MYO16: variants seen among roughly 807,000 people sequenced by gnomAD.
The protein encoded by MYO16 is myosin XVI, also known as unconventional myosin-XVI.
MYO16 carries 94 observed loss-of-function variants against 205.3 expected under a neutral mutation model. The ratio of observed to expected loss-of-function variants is 0.46; its 90% CI spans 0.39 to 0.54. MYO16 has a LOEUF of 0.54. Among genes scored for constraint, MYO16 ranks in the 20% least tolerant of loss-of-function variants. The pLI is 0.00. For missense variants in MYO16, 2,315 were observed against 2,387.5 expected (o/e 0.97, Z 0.63); for synonymous variants, 988 against 954.0 (o/e 1.04, Z -0.66).
At chr13:108,938,818 A>G (rs1458986703) in intron 16 of MYO16, among the ~76,000 whole-genome samples, 2 of 152,236 alleles carry the variant, frequency 1.3e-5, no homozygotes, top group African/African-American at 2.4e-5. Context: ...CCAAATGTCC[A>G]GAGATCTGCC....
At chr13:109,174,203 G>A (rs146287807) in intron 33 of MYO16, among the ~76,000 whole-genome samples, 10 of 152,214 alleles carry the variant, frequency 6.6e-5, no homozygotes, top group African/African-American at 2.4e-4. Flanking sequence ...AGAAGGGAAG[G>A]GCAATTCCCA....
chr13:108,912,971 G>A (rs1234790193), intron 16 of MYO16, among the ~76,000 whole-genome samples: 1 of 152,184 alleles, frequency 6.6e-6, no homozygotes, highest in Non-Finnish European at 1.5e-5. Flanking sequence ...GTCTGTTGAA[G>A]TGTGTGAGTG....
chr13:109,100,682 G>C (rs1274153731), intron 27 of MYO16, 103 bp from the exon 28 acceptor site: 10 of 837,910 alleles, frequency 1.2e-5, no homozygotes, highest in Non-Finnish European at 1.9e-6. Context: ...AAAGAAAGAC[G>C]GGGAAACTTT....
chr13:108,620,917 C>A (rs1212178462), intron 1 of MYO16, among the ~76,000 whole-genome samples: 1 of 152,178 alleles, frequency 6.6e-6, no homozygotes, highest in African/African-American at 2.4e-5. Flanking sequence ...AGGAACAGAG[C>A]CTCCCATCCC....
intron 21 of MYO16, among the ~76,000 whole-genome samples, chr13:108,999,522 A>T (rs528231660): frequency 6.6e-6 from 1 of 152,186 alleles, no homozygotes; most frequent in African/African-American, 2.4e-5. Flanking sequence ...AGTATAATAT[A>T]CCTCTTACAA....
rs570826045 is a variant in MYO16, at chr13:108,902,855, G to A, written c.1777+4722G>A. Among the ~76,000 whole-genome samples the A allele has an allele frequency of 1.7e-3, 254 of 152,260 alleles. 1 individual carries two copies. The highest frequency in any genetic ancestry group is 5.8e-3 in the African/African-American group (243 of 41,560). On this transcript the variant is annotated intron_variant, in intron 15 of 34. Coordinates refer to ENST00000457511, the MANE Select transcript of MYO16 (RefSeq NM_001198950.3). ...TTTGCTTTCTATGGTTTCAGTTACC[G>A]GAGTTCAACTGTGGTCCAAAAATTT...
intron 22 of MYO16, among the ~76,000 whole-genome samples, chr13:109,017,891 C>T (rs1228393705): frequency 6.6e-6 from 1 of 152,120 alleles, no homozygotes; most frequent in African/African-American, 2.4e-5. Flanking sequence ...TTTTTAGCTT[C>T]TTTGTGATGG....
intron 16 of MYO16, among the ~76,000 whole-genome samples, chr13:108,949,757 T>A (rs1323230311): frequency 6.6e-6 from 1 of 152,152 alleles, no homozygotes; most frequent in African/African-American, 2.4e-5. Context: ...GGAACTACTC[T>A]ACCCATATTA....
chr13:108,962,527 A>G (rs1184759090), intron 19 of MYO16, 32 bp downstream of exon 19: 2 of 1,415,392 alleles, frequency 1.4e-6, no homozygotes. Flanking sequence ...ATCTTTGTGC[A>G]ATTTAGAATC....
chr13:109,133,584 G>A (rs1319401676), intron 31 of MYO16, among the ~76,000 whole-genome samples: 1 of 152,218 alleles, frequency 6.6e-6, no homozygotes, highest in Non-Finnish European at 1.5e-5. Context: ...ACTTTATGAT[G>A]TAATGAGATG....
chr13:108,735,306 CTGTGTCCA>C (rs1566578063), intron 4 of MYO16, among the ~76,000 whole-genome samples: 1 of 147,338 alleles, frequency 6.8e-6, no homozygotes, highest in Non-Finnish European at 1.5e-5. Context: ...GTTCCCCTTC[CTGTGTCCA>C]TGTGTTCTCA....
At chr13:108,985,075 GTTGT>G (rs1884580321) in intron 20 of MYO16, among the ~76,000 whole-genome samples, 1 of 152,136 alleles carries the variant, frequency 6.6e-6, no homozygotes, top group Non-Finnish European at 1.5e-5. Flanking sequence ...TCTACCAAAA[GTTGT>G]TCAAATACAA....
At chr13:108,975,529 C>A (rs1292447923) in intron 20 of MYO16, among the ~76,000 whole-genome samples, 1 of 152,130 alleles carries the variant, frequency 6.6e-6, no homozygotes, top group Non-Finnish European at 1.5e-5. Flanking sequence ...TAATCTCTTT[C>A]AAGGGACGCA....
At chr13:108,581,565 A>G in the MYO16 span, among the ~76,000 whole-genome samples, 2 of 151,086 alleles carry the variant, frequency 1.3e-5, no homozygotes, top group African/African-American at 4.9e-5. Context: ...ACTCTCTCTC[A>G]TTGGATAGCC....
At chr13:108,928,527 G>T (rs376707337) in intron 16 of MYO16, among the ~76,000 whole-genome samples, 10 of 152,310 alleles carry the variant, frequency 6.6e-5, no homozygotes, top group African/African-American at 2.4e-4. Flanking sequence ...ATGTCCAGTG[G>T]ATGTCAACGT....
intron 15 of MYO16, among the ~76,000 whole-genome samples, chr13:108,905,352 T>C (rs763710175): frequency 3.3e-5 from 5 of 152,218 alleles, no homozygotes; most frequent in Non-Finnish European, 7.3e-5. Context: ...GATGGAGCTA[T>C]TAATGGTTTA....
At position 108,672,769 on chromosome 13, in the gene MYO16, G is replaced by GGA. The variant is rs1207954589; in HGVS notation, c.292+6629_292+6630dup. 3.9e-5 allele frequency among the ~76,000 whole-genome samples: 6 copies of GGA among 152,216 alleles called. No homozygotes were observed. The East Asian group carries it at 5.8e-4, about 15-fold the overall frequency. On this transcript the variant is annotated intron_variant, in intron 2 of 34. Coordinates refer to ENST00000457511, the MANE Select transcript of MYO16 (RefSeq NM_001198950.3). Reference sequence around the variant, plus strand: ...ACATGAAAGAAAAGGGAAGTCTGAGGGAGAGAGAGATAGAGAAATAGAGTG... The same window carrying GGA: ...ACATGAAAGAAAAGGGAAGTCTGAGGGAGAGAGAGAGATAGAGAAATAGAGTG...
intron 21 of MYO16, among the ~76,000 whole-genome samples, chr13:108,999,825 A>G (rs995108605): frequency 1.3e-5 from 2 of 152,186 alleles, no homozygotes; most frequent in Non-Finnish European, 2.9e-5. Context: ...AAAGCTAAAC[A>G]TAAAATTTTA....
intron 11 of MYO16, among the ~76,000 whole-genome samples, chr13:108,863,950 A>C (rs997861472): frequency 1.3e-5 from 2 of 152,062 alleles, no homozygotes; most frequent in Non-Finnish European, 2.9e-5. Flanking sequence ...TAATTTCTAA[A>C]TTTAGTGGCT....
Sources: gnomAD v4.1 joint callset for allele counts (sites outside exome capture counted in the v4.1 genomes callset) on GRCh38, gnomAD v4.1.1 for gene constraint, MANE v1.5 for transcripts, NCBI Gene and HGNC (gene_info 2026-07-23, HGNC 2026-07-21) for gene names.